The following PRKD1 variants were observed in gnomAD, a reference collection of about 807,000 sequenced individuals.
PRKD1 encodes serine/threonine-protein kinase D1.
PRKD1 carries 63 observed loss-of-function variants against 95.9 expected under a neutral mutation model. That is an observed-to-expected ratio of 0.66 (90% CI 0.54 to 0.81). The LOEUF (loss-of-function observed/expected upper bound fraction) is 0.81, where lower values mean the gene tolerates loss of function less well. Among genes scored for constraint, PRKD1 ranks in the 30% least tolerant of loss-of-function variants. The pLI is 0.00. For missense variants in PRKD1, 1,048 were observed against 1,165.3 expected (o/e 0.90, Z 1.47); for synonymous variants, 425 against 423.1 (o/e 1.00, Z -0.05).
chr14:29,629,742 T>C (rs1566497886), intron 10 of PRKD1, among the ~76,000 whole-genome samples: 3 of 152,128 alleles, frequency 2.0e-5, no homozygotes, highest in Non-Finnish European at 4.4e-5. Flanking sequence ...TTTTAGCAAA[T>C]GTATCTCATT....
chr14:29,850,915 G>A (rs1336255527), intron 1 of PRKD1, among the ~76,000 whole-genome samples: 5 of 151,240 alleles, frequency 3.3e-5, no homozygotes, highest in Non-Finnish European at 7.4e-5. Flanking sequence ...AAACCAATGG[G>A]ACAGAATAGA....
rs45525735 is a variant in PRKD1, at chr14:29,636,978, A to T, written c.986-484T>A. Among the ~76,000 whole-genome samples, 1,122 of 152,290 alleles carry T rather than the reference A, an allele frequency of 7.4e-3. 6 individuals are homozygous for T. The highest frequency in any genetic ancestry group is 0.034 in the Middle Eastern group (10 of 294). ...CAGTTTATATGCATCTGAGTTTATGAGAGGTTGAACATGTAATTTTATAGG... is the reference window on the plus strand; with the variant it reads ...CAGTTTATATGCATCTGAGTTTATGTGAGGTTGAACATGTAATTTTATAGG... On this transcript the variant is annotated intron_variant, in intron 6 of 17. Coordinates refer to ENST00000331968, the MANE Select transcript of PRKD1 (RefSeq NM_002742.3).
chr14:29,672,523 T>A (rs540676648), intron 2 of PRKD1, among the ~76,000 whole-genome samples: 1 of 151,938 alleles, frequency 6.6e-6, no homozygotes, highest in South Asian at 2.1e-4. Flanking sequence ...ACAGAGTGAA[T>A]CCTTATTAAA....
chr14:29,831,535 C>A (rs529239619), intron 1 of PRKD1, among the ~76,000 whole-genome samples: 1 of 148,678 alleles, frequency 6.7e-6, no homozygotes, highest in Non-Finnish European at 1.5e-5. Flanking sequence ...ATGGCCCAAT[C>A]TCGGTTCACC....
chr14:29,608,331 G>A (rs918146082), intron 13 of PRKD1, among the ~76,000 whole-genome samples: 1 of 152,022 alleles, frequency 6.6e-6, no homozygotes, highest in Non-Finnish European at 1.5e-5. Flanking sequence ...CTCATTTAGT[G>A]AATGAAAAAT....
chr14:29,584,480 C>T (rs1351909250), intron 16 of PRKD1, among the ~76,000 whole-genome samples: 3 of 152,138 alleles, frequency 2.0e-5, no homozygotes, highest in Admixed American at 1.3e-4. Flanking sequence ...ATGCCTATCT[C>T]CCCACACTCT....
At chr14:29,677,642 C>T (rs897841719) in intron 2 of PRKD1, among the ~76,000 whole-genome samples, 1 of 152,214 alleles carries the variant, frequency 6.6e-6, no homozygotes, top group African/African-American at 2.4e-5. Context: ...GTGGCACAAT[C>T]TCGGCTCACT....
intron 2 of PRKD1, among the ~76,000 whole-genome samples, chr14:29,717,230 A>C (rs1381876540): frequency 6.6e-6 from 1 of 152,170 alleles, no homozygotes; most frequent in African/African-American, 2.4e-5. Context: ...CTAAAGTTTC[A>C]AATATTAAAA....
At chr14:29,744,527 G>A (rs1887123554) in intron 1 of PRKD1, among the ~76,000 whole-genome samples, 1 of 151,964 alleles carries the variant, frequency 6.6e-6, no homozygotes, top group Admixed American at 6.6e-5. Flanking sequence ...TCTACAAAGA[G>A]GAATTGGAAT....
At chr14:29,853,073 GAGC>G (rs1892368841) in intron 1 of PRKD1, among the ~76,000 whole-genome samples, 1 of 152,134 alleles carries the variant, frequency 6.6e-6, no homozygotes, top group African/African-American at 2.4e-5. Context: ...AACCAAAAAA[GAGC>G]AGAAGTAGCT....
chr14:29,673,045 A>C (rs1453234319), intron 2 of PRKD1, among the ~76,000 whole-genome samples: 2 of 152,148 alleles, frequency 1.3e-5, no homozygotes, highest in African/African-American at 2.4e-5. Context: ...AGGATCCTTT[A>C]TTTCTTTTCC....
At chr14:29,837,338 T>A (rs1168627669) in intron 1 of PRKD1, among the ~76,000 whole-genome samples, 6 of 152,204 alleles carry the variant, frequency 3.9e-5, no homozygotes, top group African/African-American at 1.4e-4. Flanking sequence ...CCTTAAAAAA[T>A]TTAACTTGGT....
At chr14:29,880,735 G>A (rs553939732) in intron 1 of PRKD1, among the ~76,000 whole-genome samples, 24 of 152,132 alleles carry the variant, frequency 1.6e-4, no homozygotes, top group East Asian at 1.6e-3. Flanking sequence ...CCACAGGGGC[G>A]GAGCTACACA....
intron 1 of PRKD1, among the ~76,000 whole-genome samples, chr14:29,755,148 T>C (rs544652741): frequency 3.5e-4 from 53 of 152,272 alleles, no homozygotes; most frequent in South Asian, 2.1e-4. Context: ...TAACTCTTCA[T>C]AGCTTTTAAC....
chr14:29,700,986 G>GCACACACACACACACACACACA (rs779729017), intron 2 of PRKD1, among the ~76,000 whole-genome samples: 1,513 of 52,236 alleles, frequency 0.029, 28 homozygotes, highest in African/African-American at 0.092. Context: ...GCGCGCGCGC[G>GCACACACACACACACACACACA]CGCACACACA....
intron 2 of PRKD1, among the ~76,000 whole-genome samples, chr14:29,686,351 T>G (rs745830791): frequency 6.6e-5 from 10 of 151,544 alleles, no homozygotes; most frequent in Non-Finnish European, 1.5e-4. Flanking sequence ...AGTGTGTCAG[T>G]TGGGAGTGAG....
At chr14:29,880,971 A>G (rs1477958285) in intron 1 of PRKD1, among the ~76,000 whole-genome samples, 1 of 152,184 alleles carries the variant, frequency 6.6e-6, no homozygotes, top group African/African-American at 2.4e-5. Context: ...ACAGGCTCAT[A>G]GGTGAAAGGA....
chr14:29,827,639 T>C (rs1891249890), intron 1 of PRKD1, among the ~76,000 whole-genome samples: 1 of 152,152 alleles, frequency 6.6e-6, no homozygotes, highest in Admixed American at 6.5e-5. Context: ...AAAGACTCCA[T>C]GGTGATTCAT....
At chr14:29,826,663 G>GTGTA (rs1555348464) in intron 1 of PRKD1, among the ~76,000 whole-genome samples, 1,108 of 73,726 alleles carry the variant, frequency 0.015, 28 homozygotes, top group Middle Eastern at 0.047. Flanking sequence ...GTGTGTGTGT[G>GTGTA]TATATATGTG....
Sources: gnomAD v4.1 joint callset for allele counts (sites outside exome capture counted in the v4.1 genomes callset) on GRCh38, gnomAD v4.1.1 for gene constraint, MANE v1.5 for transcripts, NCBI Gene and HGNC (gene_info 2026-07-23, HGNC 2026-07-21) for gene names.